Variants in SGPP2 observed in about 807,000 individuals in gnomAD.
SGPP2 encodes sphingosine-1-phosphate phosphatase 2.
A neutral mutation model predicts 33.9 loss-of-function variants in SGPP2; 30 were observed. That is an observed-to-expected ratio of 0.89 (90% CI 0.66 to 1.20). The LOEUF (loss-of-function observed/expected upper bound fraction) is 1.20, where lower values mean the gene tolerates loss of function less well. Among genes scored for constraint, SGPP2 ranks in the 50% most tolerant of loss-of-function variants. The pLI is 0.00. For missense variants in SGPP2, 458 were observed against 532.1 expected (o/e 0.86, Z 1.37); for synonymous variants, 233 against 225.0 (o/e 1.04, Z -0.32).
chr2:222,499,704 A>G (rs1574863056), intron 2 of SGPP2, among the ~76,000 whole-genome samples: 1 of 152,194 alleles, frequency 6.6e-6, no homozygotes, highest in Admixed American at 6.5e-5. Flanking sequence ...TGCAAAGGAA[A>G]CAATGTCCAT....
intron 4 of SGPP2, among the ~76,000 whole-genome samples, chr2:222,543,681 C>T (rs1689126366): frequency 6.6e-6 from 1 of 152,232 alleles, no homozygotes. Context: ...AAATCATGGA[C>T]TGTACTCAGT....
At chr2:222,429,114 C>T (rs1436035514) in intron 1 of SGPP2, among the ~76,000 whole-genome samples, 1 of 152,054 alleles carries the variant, frequency 6.6e-6, no homozygotes, top group Non-Finnish European at 1.5e-5. Context: ...ATTACCGCAC[C>T]CGGCCAAGAA....
chr2:222,483,602 G>A (rs1698061739), intron 2 of SGPP2, among the ~76,000 whole-genome samples: 1 of 152,164 alleles, frequency 6.6e-6, no homozygotes, highest in Non-Finnish European at 1.5e-5. Context: ...GTCATAAATT[G>A]GTTAAGAGGT....
In SGPP2 at chr2:222,424,558, CG is replaced by C; in HGVS notation, c.-43del. 1 of 1,174,106 alleles carries C rather than the reference CG, an allele frequency of 8.5e-7. No individual in the cohort carries two copies. Among genetic ancestry groups the C allele is most frequent in the Non-Finnish European group, 1.1e-6 (1 of 940,374 alleles). The allele number at this position is 1,174,106 out of a possible 1,614,324, so 72.7% of individuals were successfully genotyped here. A position where few individuals can be genotyped will look rare whatever the true frequency, so the allele number is the denominator to read the frequency against. Reference sequence around the variant, plus strand: ...GAGTGGCGGTGCCAGCGGAGGGCACCGGCCCGGCGTGGCAGCGGCGGCGGAG... The same window carrying C: ...GAGTGGCGGTGCCAGCGGAGGGCACCGCCCGGCGTGGCAGCGGCGGCGGAG... On this transcript the variant is annotated 5_prime_UTR_variant, in exon 1 of 5. Coordinates refer to ENST00000321276, the MANE Select transcript of SGPP2 (RefSeq NM_152386.4).
At chr2:222,450,528 A>G (rs931657090) in intron 1 of SGPP2, among the ~76,000 whole-genome samples, 2 of 152,234 alleles carry the variant, frequency 1.3e-5, no homozygotes, top group African/African-American at 4.8e-5. Flanking sequence ...ACCCTCAGGT[A>G]GGTGGACAGA....
rs112485704 is a variant in SGPP2 at position 222,488,722 on chromosome 2, G to A, written c.378+13996G>A. On this transcript the variant is annotated intron_variant, in intron 2 of 4. Coordinates refer to ENST00000321276, the MANE Select transcript of SGPP2 (RefSeq NM_152386.4). ...GGTATGAAGAACATCAAACATGCAAGCCTTACTCTCAGCTTAGGGGGATGT... is the reference window on the plus strand; with the variant it reads ...GGTATGAAGAACATCAAACATGCAAACCTTACTCTCAGCTTAGGGGGATGT... Among the ~76,000 whole-genome samples, 285 of 152,268 alleles carry A rather than the reference G, an allele frequency of 1.9e-3. 2 individuals carry two copies. The highest frequency in any genetic ancestry group is 6.6e-3 in the African/African-American group (274 of 41,562).
chr2:222,530,813 G>A (rs1698826419), intron 4 of SGPP2, among the ~76,000 whole-genome samples: 1 of 152,122 alleles, frequency 6.6e-6, no homozygotes, highest in African/African-American at 2.4e-5. Context: ...TTAGCTTTTG[G>A]CCTATCTCAG....
At chr2:222,504,024 A>T (rs1215676143) in intron 2 of SGPP2, 1 of 152,206 alleles carries the variant, frequency 6.6e-6, no homozygotes, top group Non-Finnish European at 1.5e-5. Context: ...GTTGTCACAA[A>T]GGCAACCAAC....
intron 2 of SGPP2, among the ~76,000 whole-genome samples, chr2:222,486,660 G>A (rs1698114327): frequency 1.3e-5 from 2 of 152,132 alleles, no homozygotes; most frequent in South Asian, 2.1e-4. Flanking sequence ...CGAAGTGTAG[G>A]CACTACTATT....
intron 2 of SGPP2, among the ~76,000 whole-genome samples, chr2:222,481,257 TAAAAAA>T (rs368696992): frequency 6.6e-6 from 1 of 151,998 alleles, no homozygotes; most frequent in African/African-American, 2.4e-5. Context: ...AAAATTGAAA[TAAAAAA>T]GAAAAATGAT....
rs1574834317 is a variant in SGPP2, at chr2:222,445,491, G to T, written c.219+20670G>T. On this transcript the variant is annotated intron_variant, in intron 1 of 4. Transcript: ENST00000321276. ...TCACACCAGTTGCTTGACCCACATA[G>T]GCATTTCAATTCATGACTCCTGGCC... Among the ~76,000 whole-genome samples, 3 of 152,144 alleles carry T rather than the reference G, an allele frequency of 2.0e-5. No homozygotes were observed. In the East Asian group the frequency reaches 5.8e-4, roughly 29 times the overall value.
At chr2:222,520,594 G>A (rs1698669536) in intron 2 of SGPP2, among the ~76,000 whole-genome samples, 1 of 152,068 alleles carries the variant, frequency 6.6e-6, no homozygotes, top group Non-Finnish European at 1.5e-5. Flanking sequence ...GCCAGGTGTG[G>A]TGGCAGATGT....
At chr2:222,510,519 A>G (rs568791260) in intron 2 of SGPP2, among the ~76,000 whole-genome samples, 1 of 152,302 alleles carries the variant, frequency 6.6e-6, no homozygotes, top group East Asian at 1.9e-4. Flanking sequence ...AGGAATAATC[A>G]TATGCTCCTG....
intron 1 of SGPP2, among the ~76,000 whole-genome samples, chr2:222,428,785 C>CTTTTTTTTT (rs58239129): frequency 6.6e-5 from 5 of 75,344 alleles, no homozygotes; most frequent in Non-Finnish European, 1.2e-4. Context: ...ACATGGTTTT[C>CTTTTTTTTT]TTTTTTTTTT....
At chr2:222,546,782 G>C (rs1689208605) in intron 4 of SGPP2, among the ~76,000 whole-genome samples, 1 of 143,740 alleles carries the variant, frequency 7.0e-6, no homozygotes, top group Non-Finnish European at 1.5e-5. Flanking sequence ...GACGACAAAA[G>C]CACTAATATA....
chr2:222,460,977 G>A lies in SGPP2; in HGVS notation c.220-13591G>A, dbSNP rs1046464828. Among the ~76,000 whole-genome samples, 1 of 152,110 alleles carries A rather than the reference G, an allele frequency of 6.6e-6. No individual in the cohort carries two copies. The highest frequency in any genetic ancestry group is 2.4e-5 in the African/African-American group (1 of 41,422). On this transcript the variant is annotated intron_variant, in intron 1 of 4. Coordinates refer to ENST00000321276, the MANE Select transcript of SGPP2 (RefSeq NM_152386.4). This position sits in a 1 kb window ranked among gnomAD's most constrained non-coding sequence, Gnocchi z 4.3. ...AGTGGCATGATAATAGCTCACTGCA[G>A]CCTTGAACCCCCAGGCTCAAACACT...
At chr2:222,439,392 T>C (rs1233856408) in intron 1 of SGPP2, among the ~76,000 whole-genome samples, 4 of 151,948 alleles carry the variant, frequency 2.6e-5, no homozygotes, top group Non-Finnish European at 5.9e-5. Context: ...ATTAGACAAA[T>C]GTGGCGGCAT....
At chr2:222,498,053 G>C (rs1210407725) in intron 2 of SGPP2, among the ~76,000 whole-genome samples, 1 of 152,120 alleles carries the variant, frequency 6.6e-6, no homozygotes, top group East Asian at 1.9e-4. Context: ...GCTTCCAGGA[G>C]ACCACAGGCT....
intron 2 of SGPP2, among the ~76,000 whole-genome samples, chr2:222,488,468 T>G (rs1431636356): frequency 6.6e-6 from 1 of 152,224 alleles, no homozygotes; most frequent in Non-Finnish European, 1.5e-5. Context: ...TCTGATGATC[T>G]GAGGTGGAAC....
Sources: allele counts gnomAD v4.1 joint callset (sites outside exome capture counted in the v4.1 genomes callset), GRCh38; gene constraint gnomAD v4.1.1; non-coding constraint Gnocchi (gnomAD v3.1); transcripts MANE v1.5; gene names NCBI Gene and HGNC (gene_info 2026-07-23, HGNC 2026-07-21).